Variants in SPAG16 observed in about 807,000 individuals in gnomAD.
SPAG16 encodes the protein sperm-associated antigen 16 protein.
In SPAG16, 86 loss-of-function variants were observed where a neutral mutation model predicts 80.4. The observed-to-expected ratio is 1.07, with a 90% CI of 0.90 to 1.28. The LOEUF is 1.28. Among genes scored for constraint, SPAG16 ranks in the 50% most tolerant of loss-of-function variants. SPAG16 has a pLI of 0.00. For missense variants in SPAG16, 870 were observed against 765.3 expected (o/e 1.14, Z -1.61); for synonymous variants, 294 against 265.9 (o/e 1.11, Z -1.03).
chr2:213,916,577 A>C (rs2077982027), intron 11 of SPAG16, among the ~76,000 whole-genome samples: 1 of 152,016 alleles, frequency 6.6e-6, no homozygotes, highest in Non-Finnish European at 1.5e-5. Context: ...TTCCCTTTAT[A>C]AAACCTTCAG....
chr2:213,559,886 G>A (rs1163847475), intron 10 of SPAG16, among the ~76,000 whole-genome samples: 5 of 151,708 alleles, frequency 3.3e-5, no homozygotes, highest in East Asian at 1.9e-4. Context: ...TTTTAAACAC[G>A]GCATTCTGAT....
At chr2:213,542,396 T>G (rs2076477530) in intron 10 of SPAG16, among the ~76,000 whole-genome samples, 1 of 152,126 alleles carries the variant, frequency 6.6e-6, no homozygotes, top group African/African-American at 2.4e-5. Flanking sequence ...GGATAAAAAT[T>G]TGTCTAGTTC....
At chr2:213,302,969 C>G (rs990709578) in intron 3 of SPAG16, among the ~76,000 whole-genome samples, 10 of 152,090 alleles carry the variant, frequency 6.6e-5, no homozygotes, top group African/African-American at 2.4e-4. Context: ...TCCTGTTTTC[C>G]AAGTTCCTTC....
chr2:213,695,682 G>A (rs1190376471), intron 10 of SPAG16, among the ~76,000 whole-genome samples: 1 of 152,332 alleles, frequency 6.6e-6, no homozygotes, highest in East Asian at 1.9e-4. Flanking sequence ...ACAAGAAGGA[G>A]CCAGCCATGA....
At chr2:213,965,346 G>A (rs2044657712) in intron 12 of SPAG16, among the ~76,000 whole-genome samples, 1 of 152,176 alleles carries the variant, frequency 6.6e-6, no homozygotes. Context: ...AAGTCGAGAA[G>A]CATCTGTATT....
At chr2:213,659,725 A>G (rs1261306637) in intron 10 of SPAG16, among the ~76,000 whole-genome samples, 1 of 152,184 alleles carries the variant, frequency 6.6e-6, no homozygotes, top group African/African-American at 2.4e-5. Context: ...CTATTCCAGT[A>G]ACCATATTAA....
At chr2:213,918,985 T>A (rs1286958745) in intron 11 of SPAG16, among the ~76,000 whole-genome samples, 1 of 152,212 alleles carries the variant, frequency 6.6e-6, no homozygotes, top group Non-Finnish European at 1.5e-5. Context: ...AATGTCAGGA[T>A]CAGTGTAATG....
At chr2:213,734,976 T>C (rs1289742848) in intron 10 of SPAG16, among the ~76,000 whole-genome samples, 1 of 144,652 alleles carries the variant, frequency 6.9e-6, no homozygotes, top group South Asian at 2.2e-4. Context: ...TATTTTTTTT[T>C]CCTAATTACT....
chr2:214,156,899 C>T (rs188416029), intron 15 of SPAG16, among the ~76,000 whole-genome samples: 50 of 152,182 alleles, frequency 3.3e-4, no homozygotes, highest in African/African-American at 9.6e-4. Flanking sequence ...GATGTTCTTC[C>T]GAAGAACAAG....
At chr2:213,702,453 C>T (rs747863852) in intron 10 of SPAG16, among the ~76,000 whole-genome samples, 2 of 152,132 alleles carry the variant, frequency 1.3e-5, no homozygotes, top group Admixed American at 6.5e-5. Context: ...CTTCTGAGGC[C>T]AGTGAGACCA....
At chr2:214,372,472 A>C (rs1699885011) in intron 15 of SPAG16, among the ~76,000 whole-genome samples, 5 of 151,934 alleles carry the variant, frequency 3.3e-5, no homozygotes, top group Admixed American at 3.3e-4. Flanking sequence ...AACAGAATAA[A>C]ACAAGGAATC....
chr2:214,136,392 G>A (rs1043705480), intron 14 of SPAG16, among the ~76,000 whole-genome samples: 1 of 152,176 alleles, frequency 6.6e-6, no homozygotes, highest in Non-Finnish European at 1.5e-5. Context: ...ATATTGAGCA[G>A]TACCAGTACC....
intron 15 of SPAG16, among the ~76,000 whole-genome samples, chr2:214,372,929 A>G (rs1699911421): frequency 6.6e-6 from 1 of 152,160 alleles, no homozygotes; most frequent in Non-Finnish European, 1.5e-5. Context: ...AAATATATGT[A>G]CCAGCAAATG....
intron 10 of SPAG16, among the ~76,000 whole-genome samples, chr2:213,671,095 T>C (rs2063797125): frequency 6.6e-6 from 1 of 152,218 alleles, no homozygotes; most frequent in Non-Finnish European, 1.5e-5. Flanking sequence ...CAAAATGACA[T>C]AATTTTAAGG....
chr2:213,903,907 G>A (rs1009895958), intron 11 of SPAG16, among the ~76,000 whole-genome samples: 8 of 152,090 alleles, frequency 5.3e-5, no homozygotes, highest in Non-Finnish European at 1.2e-4. Flanking sequence ...CTCTAGGGCA[G>A]GGGCAAAGTG....
Position 213,980,708 on chromosome 2 carries a change from G to GTATATATA in SPAG16, c.1401-33242_1401-33241insATATATAT, listed in dbSNP as rs796912299. ...ATATATAGAATATATGTGTGTGTGT[G>GTATATATA]TGTGTATATATATATATAGAGAGAG... On this transcript the variant is annotated intron_variant, in intron 12 of 15. Coordinates refer to ENST00000331683, the MANE Select transcript of SPAG16 (RefSeq NM_024532.5). 6.3e-3 allele frequency among the ~76,000 whole-genome samples: 647 copies of GTATATATA among 102,480 alleles called. 18 individuals carry two copies. Among genetic ancestry groups the GTATATATA allele is most frequent in the East Asian group, 0.051 (188 of 3,698 alleles). 67.2% of individuals were successfully genotyped at this position (102,480 alleles called of 152,430 possible). A position where few individuals can be genotyped will look rare whatever the true frequency, so the allele number is the denominator to read the frequency against.
At chr2:213,393,945 A>C (rs1170834045) in intron 9 of SPAG16, among the ~76,000 whole-genome samples, 3 of 152,130 alleles carry the variant, frequency 2.0e-5, no homozygotes, top group Non-Finnish European at 4.4e-5. Flanking sequence ...TGGCCCTTGA[A>C]GTATACTTGA....
intron 9 of SPAG16, among the ~76,000 whole-genome samples, chr2:213,486,904 TG>T (rs1360218103): frequency 6.6e-6 from 1 of 152,098 alleles, no homozygotes; most frequent in Admixed American, 6.5e-5. Flanking sequence ...AAATAGATAA[TG>T]TTTATTAAGA....
intron 15 of SPAG16, among the ~76,000 whole-genome samples, chr2:214,329,743 T>C (rs1696762170): frequency 6.6e-6 from 1 of 152,210 alleles, no homozygotes; most frequent in African/African-American, 2.4e-5. Flanking sequence ...CAGGATTTTC[T>C]TCCCAAGTAC....
Sources: allele counts gnomAD v4.1 joint callset (sites outside exome capture counted in the v4.1 genomes callset), GRCh38; gene constraint gnomAD v4.1.1; transcripts MANE v1.5; gene names NCBI Gene and HGNC (gene_info 2026-07-23, HGNC 2026-07-21).